Variants in ITPRID1 observed in about 807,000 individuals in gnomAD.
The protein encoded by ITPRID1 is ITPR interacting domain containing 1.
In ITPRID1, 96 loss-of-function variants were observed where a neutral mutation model predicts 95.4. That is an observed-to-expected ratio of 1.01 (90% CI 0.85 to 1.19). ITPRID1 has a LOEUF of 1.19. Among genes scored for constraint, ITPRID1 ranks in the 50% most tolerant of loss-of-function variants. The pLI is 0.00. For synonymous variants in ITPRID1, 510 were observed against 453.6 expected (o/e 1.12, Z -1.58); for missense variants, 1,339 against 1,252.9 (o/e 1.07, Z -1.04).
intron 6 of ITPRID1, among the ~76,000 whole-genome samples, chr7:31,571,327 G>C (rs1293277551): frequency 2.0e-5 from 3 of 152,134 alleles, no homozygotes; most frequent in Admixed American, 2.0e-4. Flanking sequence ...GCCTGGCCCA[G>C]CTATTCTTAC....
intron 1 of ITPRID1, among the ~76,000 whole-genome samples, chr7:31,545,984 A>T (rs1259464519): frequency 2.6e-5 from 4 of 152,080 alleles, no homozygotes; most frequent in Non-Finnish European, 4.4e-5. Flanking sequence ...TATTATTATT[A>T]TTTTTATTAT....
chr7:31,639,372 G>A (rs1385474054), intron 10 of ITPRID1, among the ~76,000 whole-genome samples: 14 of 151,370 alleles, frequency 9.2e-5, no homozygotes, highest in Admixed American at 9.2e-4. Flanking sequence ...TCTCTAATCT[G>A]CTATATATAT....
In ITPRID1 at chr7:31,654,009, C is replaced by T. The variant is rs558819252; in HGVS notation, c.*1180C>T. 5.1e-5 allele frequency among the ~76,000 whole-genome samples: 7 copies of T among 137,088 alleles called. No homozygotes were observed. The Admixed American group carries it at 5.6e-4, about 11-fold the overall frequency. The allele number at this position is 137,088 out of a possible 152,430, so 89.9% of individuals were successfully genotyped here. ...GTGCTGGAGACAGCCATAAATAAGA[C>T]AGATGGACTTTCTACTCAGAAAGAG... On this transcript the variant is annotated 3_prime_UTR_variant, in exon 15 of 15. Coordinates refer to ENST00000615280, the MANE Select transcript of ITPRID1 (RefSeq NM_001257967.3).
chr7:31,556,361 C>T (rs888235018), intron 5 of ITPRID1, among the ~76,000 whole-genome samples: 2 of 152,120 alleles, frequency 1.3e-5, no homozygotes, highest in African/African-American at 4.8e-5. Context: ...CCTTTCTCAT[C>T]GATCATATTT....
intron 12 of ITPRID1, among the ~76,000 whole-genome samples, 186 bp from the exon 13 acceptor site, chr7:31,650,956 G>A (rs577618411): frequency 1.3e-5 from 2 of 152,246 alleles, no homozygotes; most frequent in African/African-American, 2.4e-5. Flanking sequence ...TGTTGCAGAT[G>A]AGCACTGTCA....
chr7:31,516,613 G>T (rs1012423823), intron 1 of ITPRID1, among the ~76,000 whole-genome samples: 1 of 148,358 alleles, frequency 6.7e-6, no homozygotes, highest in African/African-American at 2.5e-5. Context: ...AGTCTGTCTT[G>T]CCAAAGCTTA....
Position 31,572,113 on chromosome 7 carries a change from A to T in ITPRID1, c.320A>T (p.Gln107Leu), listed in dbSNP as rs764744255. Reference protein sequence around the residue: ...TVKDYMRSLHQFSETPILSRG... With the variant: ...TVKDYMRSLHLFSETPILSRG... ...TTTCCCAACTGTAGATCTTTGCATC[A>T]GTTTTCAGAAACTCCCATCCTATCC... Residue 107 changes from glutamine to leucine, a missense_variant, in exon 7 of 15, where the codon CAG becomes CTG. Physicochemically the swap from Gln to Leu is moderately radical, Grantham distance 113 (BLOSUM62 -2). Coordinates refer to ENST00000615280, the MANE Select transcript of ITPRID1 (RefSeq NM_001257967.3). The T allele has an allele frequency of 6.2e-7, 1 of 1,607,252 alleles. No individual in the cohort carries two copies. The highest frequency in any genetic ancestry group is 8.5e-7 in the Non-Finnish European group (1 of 1,174,526).
At chr7:31,538,590 T>G (rs1783834320) in intron 1 of ITPRID1, among the ~76,000 whole-genome samples, 1 of 152,216 alleles carries the variant, frequency 6.6e-6, no homozygotes, top group South Asian at 2.1e-4. Flanking sequence ...TTAACAAATT[T>G]AAAATACAAC....
At chr7:31,646,257 G>A (rs776015118) in intron 12 of ITPRID1, among the ~76,000 whole-genome samples, 4 of 152,160 alleles carry the variant, frequency 2.6e-5, no homozygotes, top group Non-Finnish European at 4.4e-5. Context: ...GAGCATGACT[G>A]GTCAGTAGCA....
At chr7:31,594,597 C>T (rs557356124) in intron 10 of ITPRID1, among the ~76,000 whole-genome samples, 15 of 152,258 alleles carry the variant, frequency 9.9e-5, no homozygotes, top group Admixed American at 7.2e-4. Flanking sequence ...TGGCTCATGC[C>T]TGTAATCCTA....
At chr7:31,534,605 A>G (rs1040210926) in intron 1 of ITPRID1, among the ~76,000 whole-genome samples, 1 of 151,994 alleles carries the variant, frequency 6.6e-6, no homozygotes, top group Non-Finnish European at 1.5e-5. Context: ...TTTGGATGTT[A>G]AATGTTTTTC....
chr7:31,602,166 A>AT (rs371518798), intron 10 of ITPRID1, among the ~76,000 whole-genome samples: 213 of 152,184 alleles, frequency 1.4e-3, no homozygotes, highest in African/African-American at 4.9e-3. Context: ...AAATATTACA[A>AT]TTTTTTTATT....
intron 10 of ITPRID1, among the ~76,000 whole-genome samples, chr7:31,637,992 G>A (rs981555492): frequency 6.6e-6 from 1 of 152,162 alleles, no homozygotes; most frequent in African/African-American, 2.4e-5. Flanking sequence ...ATTAAATAGG[G>A]AATCAGGAAG....
At chr7:31,606,052 G>A (rs1011397562) in intron 10 of ITPRID1, among the ~76,000 whole-genome samples, 5 of 152,190 alleles carry the variant, frequency 3.3e-5, no homozygotes, top group Admixed American at 6.5e-5. Context: ...ATATGAATGT[G>A]TAGATATTCT....
intron 6 of ITPRID1, among the ~76,000 whole-genome samples, chr7:31,571,746 C>A (rs1470473673): frequency 1.3e-5 from 2 of 152,206 alleles, no homozygotes; most frequent in Non-Finnish European, 2.9e-5. Context: ...GGCTGTACTT[C>A]TTTCAGCATA....
At chr7:31,581,145 G>A (rs920294404) in intron 9 of ITPRID1, among the ~76,000 whole-genome samples, 1 of 152,042 alleles carries the variant, frequency 6.6e-6, no homozygotes, top group Non-Finnish European at 1.5e-5. Flanking sequence ...GATTTTCATG[G>A]CATTTAAAAC....
chr7:31,573,740 T>A (rs575241772), intron 7 of ITPRID1, among the ~76,000 whole-genome samples: 1 of 151,632 alleles, frequency 6.6e-6, no homozygotes, highest in Admixed American at 6.6e-5. Flanking sequence ...CAGACATGAA[T>A]TGGCATACAT....
chr7:31,612,857 A>AC (rs1786938530), intron 10 of ITPRID1, among the ~76,000 whole-genome samples: 1 of 152,156 alleles, frequency 6.6e-6, no homozygotes, highest in Non-Finnish European at 1.5e-5. Flanking sequence ...GTAGATCCAC[A>AC]CGAATATGTC....
chr7:31,543,009 A>G (rs1195598486), intron 1 of ITPRID1, among the ~76,000 whole-genome samples: 1 of 152,180 alleles, frequency 6.6e-6, no homozygotes, highest in Non-Finnish European at 1.5e-5. Flanking sequence ...ATATATAGCC[A>G]CACAGACAAC....
Sources: allele counts gnomAD v4.1 joint callset (sites outside exome capture counted in the v4.1 genomes callset), GRCh38; gene constraint gnomAD v4.1.1; transcripts MANE v1.5; gene names NCBI Gene and HGNC (gene_info 2026-07-23, HGNC 2026-07-21).